FAT3: variants seen among roughly 807,000 people sequenced by gnomAD.
FAT3 encodes FAT atypical cadherin 3.
Under a neutral mutation model 310.2 loss-of-function variants are expected in FAT3, and 95 were observed. The observed-to-expected ratio is 0.31, with a 90% CI of 0.26 to 0.36. FAT3 has a LOEUF of 0.36. Ranked by LOEUF, FAT3 falls within the 10% of genes least tolerant of loss-of-function variation. The pLI, the probability that FAT3 is intolerant of heterozygous loss-of-function variation, is 1.00. For missense variants in FAT3, 5,408 were observed against 5,715.6 expected (o/e 0.95, Z 1.74); for synonymous variants, 2,314 against 2,192.9 (o/e 1.06, Z -1.54).
At chr11:92,363,209 C>T (rs1948924805) in intron 2 of FAT3, among the ~76,000 whole-genome samples, 1 of 152,158 alleles carries the variant, frequency 6.6e-6, no homozygotes, top group African/African-American at 2.4e-5. Context: ...AATTGAAGAA[C>T]TGTTCACTAG....
chr11:92,837,733 T>C lies in FAT3; in HGVS notation c.10295T>C (p.Val3432Ala). ...GIPAMSSTAT[V>A]NIDISDVNDN... ...CCTGCAATGTCATCAACTGCAACTG[T>C]CAACATTGATATTTCTGATGTGAAT... Residue 3432 changes from valine to alanine, a missense_variant, in exon 17 of 28, where the codon GTC becomes GCC. Val to Ala is a moderately conservative substitution (Grantham distance 64). Coordinates refer to ENST00000525166, the MANE Select transcript of FAT3 (RefSeq NM_001367949.2). The C allele has an allele frequency of 1.2e-6, 2 of 1,613,976 alleles. No individual in the cohort carries two copies. The highest frequency in any genetic ancestry group is 1.3e-5 in the African/African-American group (1 of 75,048).
At chr11:92,653,501 C>G (rs1457632938) in intron 3 of FAT3, among the ~76,000 whole-genome samples, 1 of 152,120 alleles carries the variant, frequency 6.6e-6, no homozygotes, top group Non-Finnish European at 1.5e-5. Context: ...GCTCTGTATA[C>G]TGCAGTGTTC....
chr11:92,831,486 A>T, intron 13 of FAT3, 136 bp from the exon 14 acceptor site: 1 of 669,978 alleles, frequency 1.5e-6, no homozygotes, highest in Non-Finnish European at 2.3e-6. Flanking sequence ...ACATTTTTGT[A>T]GAGCCACAGC....
intron 3 of FAT3, among the ~76,000 whole-genome samples, chr11:92,560,970 G>A (rs890570930): frequency 9.2e-5 from 14 of 152,138 alleles, no homozygotes. Flanking sequence ...AATGCCAAAA[G>A]AAGCTTTTAG....
At chr11:92,835,183 C>A (rs956620886) in intron 15 of FAT3, 99 bp downstream of exon 15, 2 of 982,144 alleles carry the variant, frequency 2.0e-6, no homozygotes, top group Non-Finnish European at 3.0e-6. Context: ...TTTCTTCACA[C>A]TTCCCCCTTT....
At chr11:92,861,623 G>A (rs1949125306) in intron 21 of FAT3, among the ~76,000 whole-genome samples, 1 of 152,182 alleles carries the variant, frequency 6.6e-6, no homozygotes, top group African/African-American at 2.4e-5. Context: ...TGTTCTGTAA[G>A]TTTGCTTTTC....
intron 1 of FAT3, among the ~76,000 whole-genome samples, chr11:92,255,767 T>G (rs534232468): frequency 6.6e-6 from 1 of 152,252 alleles, no homozygotes; most frequent in East Asian, 1.9e-4. Context: ...GCGCAAGTGC[T>G]CAACATTTGA....
At chr11:92,782,430 CA>C (rs1233266941) in intron 7 of FAT3, among the ~76,000 whole-genome samples, 1 of 151,964 alleles carries the variant, frequency 6.6e-6, no homozygotes, top group African/African-American at 2.4e-5. Flanking sequence ...TAAAAAAAAC[CA>C]GACAGGTATG....
At chr11:92,492,402 A>G (rs755579109) in intron 2 of FAT3, among the ~76,000 whole-genome samples, 1 of 151,946 alleles carries the variant, frequency 6.6e-6, no homozygotes, top group Admixed American at 6.6e-5. Flanking sequence ...CTAAGATGCA[A>G]TTTCCACATC....
chr11:92,458,619 C>T (rs900808095), intron 2 of FAT3, among the ~76,000 whole-genome samples: 3 of 152,166 alleles, frequency 2.0e-5, no homozygotes, highest in African/African-American at 4.8e-5. Flanking sequence ...TATCTCTGAC[C>T]TGCTCAGTTT....
intron 3 of FAT3, among the ~76,000 whole-genome samples, chr11:92,544,478 G>C (rs1954553839): frequency 6.7e-6 from 1 of 150,222 alleles, no homozygotes; most frequent in Non-Finnish European, 1.5e-5. Context: ...CTGAAAATAT[G>C]TACATCTAAT....
intron 1 of FAT3, among the ~76,000 whole-genome samples, chr11:92,257,861 G>A (rs1450354808): frequency 6.6e-6 from 1 of 152,060 alleles, no homozygotes; most frequent in Non-Finnish European, 1.5e-5. Flanking sequence ...AAAGATATTT[G>A]TTGAGTGGCT....
intron 19 of FAT3, among the ~76,000 whole-genome samples, chr11:92,852,417 A>C (rs1215649271): frequency 6.6e-6 from 1 of 152,154 alleles, no homozygotes; most frequent in Admixed American, 6.5e-5. Flanking sequence ...CTTGAGCCAC[A>C]AGAGAGTGGG....
chr11:92,648,050 A>G (rs1302321046), intron 3 of FAT3, among the ~76,000 whole-genome samples: 1 of 152,182 alleles, frequency 6.6e-6, no homozygotes, highest in East Asian at 1.9e-4. Flanking sequence ...TCACCTGACC[A>G]TGAGGAAAGT....
rs186262841 is a variant in FAT3 at position 92,571,779 on chromosome 11, C to T, written c.3607+46831C>T. ...TCTTAGTTTTCTTTATCTATATCTC[C>T]CTTCTCCTTTGTGGCTCCTTCCCAA... On this transcript the variant is annotated intron_variant, in intron 3 of 27. Transcript: ENST00000525166. Among the ~76,000 whole-genome samples the T allele has an allele frequency of 2.6e-5, 4 of 152,288 alleles. No individual in the cohort carries two copies. In the East Asian group the frequency reaches 7.7e-4, roughly 29 times the overall value.
intron 3 of FAT3, among the ~76,000 whole-genome samples, chr11:92,572,946 A>G (rs1193834775): frequency 2.0e-5 from 3 of 152,228 alleles, no homozygotes; most frequent in African/African-American, 7.2e-5. Flanking sequence ...AAATATATCC[A>G]TGTCAAAATT....
At chr11:92,464,480 T>C (rs2017485053) in intron 2 of FAT3, among the ~76,000 whole-genome samples, 1 of 152,198 alleles carries the variant, frequency 6.6e-6, no homozygotes, top group Non-Finnish European at 1.5e-5. Flanking sequence ...CAGACCCACA[T>C]TCTGCTCCCA....
chr11:92,532,387 C>T (rs1954112014), intron 3 of FAT3, among the ~76,000 whole-genome samples: 1 of 152,076 alleles, frequency 6.6e-6, no homozygotes, highest in Non-Finnish European at 1.5e-5. Flanking sequence ...AATCTTCTGT[C>T]TTATGTAACT....
Position 92,883,152 on chromosome 11 carries a change from G to A in FAT3, c.12696G>A (p.Val4232=), listed in dbSNP as rs2136414713. The A allele has an allele frequency of 6.2e-7, 1 of 1,613,602 alleles. No homozygotes were observed. Among genetic ancestry groups the A allele is most frequent in the East Asian group, 2.2e-5 (1 of 44,858 alleles). Residue 4232 remains valine (V), a synonymous_variant, in exon 24 of 28, where the codon GTG becomes GTA. Coordinates refer to ENST00000525166, the MANE Select transcript of FAT3 (RefSeq NM_001367949.2). The surrounding 1 kb of genome is among the most constrained non-coding windows in gnomAD (Gnocchi z 4.2). Reference sequence around the variant, plus strand: ...AGGTGGGGCCCCCGCAGGTCCCCGTGCGCCCCATGGCCTACACACCCTGCT... The same window carrying A: ...AGGTGGGGCCCCCGCAGGTCCCCGTACGCCCCATGGCCTACACACCCTGCT... ...YQEVGPPQVP[V]RPMAYTPCFQ... is the part of the protein sequence containing the mutation.
Sources: allele counts gnomAD v4.1 joint callset (sites outside exome capture counted in the v4.1 genomes callset), GRCh38; gene constraint gnomAD v4.1.1; non-coding constraint Gnocchi (gnomAD v3.1); transcripts MANE v1.5; gene names NCBI Gene and HGNC (gene_info 2026-07-23, HGNC 2026-07-21).